MAP4K3: variants seen among roughly 807,000 people sequenced by gnomAD.
The protein encoded by MAP4K3 is MAPK/ERK kinase kinase kinase 3.
In MAP4K3, 94 loss-of-function variants were observed where a neutral mutation model predicts 143.5. The observed-to-expected ratio is 0.65, with a 90% CI of 0.55 to 0.78. The LOEUF (loss-of-function observed/expected upper bound fraction) is 0.78. Among genes scored for constraint, MAP4K3 ranks in the 30% least tolerant of loss-of-function variants. The pLI is 0.00. For synonymous variants in MAP4K3, 416 were observed against 347.2 expected, an observed-to-expected ratio of 1.20 and a Z score of -2.20; for missense variants, 1,077 against 1,068.1, an observed-to-expected ratio of 1.01 and a Z score of -0.12.
chr2:39,260,986 T>A (rs1680546175), intron 28 of MAP4K3: 1 of 455,198 alleles, frequency 2.2e-6, no homozygotes, highest in Non-Finnish European at 3.9e-6. Flanking sequence ...TACATGATTT[T>A]AGGACATTAA....
intron 3 of MAP4K3, among the ~76,000 whole-genome samples, chr2:39,346,085 A>C (rs968615499): frequency 2.0e-5 from 3 of 152,214 alleles, no homozygotes; most frequent in African/African-American, 7.2e-5. Context: ...AATAGCTATA[A>C]ATTATATAAA....
At chr2:39,433,359 T>G (rs1665353388) in intron 1 of MAP4K3, among the ~76,000 whole-genome samples, 1 of 152,168 alleles carries the variant, frequency 6.6e-6, no homozygotes, top group African/African-American at 2.4e-5. Flanking sequence ...TTATCCCATC[T>G]CCAGCTTTAC....
At chr2:39,425,179 T>C (rs1665029306) in intron 1 of MAP4K3, among the ~76,000 whole-genome samples, 1 of 147,378 alleles carries the variant, frequency 6.8e-6, no homozygotes, top group African/African-American at 2.5e-5. Context: ...AAAAAGTAGA[T>C]GAATTCAAAA....
chr2:39,257,567 G>A (rs553096396), intron 31 of MAP4K3, among the ~76,000 whole-genome samples: 10 of 152,180 alleles, frequency 6.6e-5, no homozygotes, highest in East Asian at 1.9e-4. Context: ...TTGGGAGGCC[G>A]AGGCGGGTGG....
chr2:39,297,220 C>T (rs549582812), intron 16 of MAP4K3, among the ~76,000 whole-genome samples: 10 of 151,856 alleles, frequency 6.6e-5, no homozygotes, highest in African/African-American at 9.7e-5. Context: ...TGGGTTCAAG[C>T]GATTCCCCTG....
At chr2:39,368,720 T>C (rs1360332650) in intron 2 of MAP4K3, among the ~76,000 whole-genome samples, 1 of 151,786 alleles carries the variant, frequency 6.6e-6, no homozygotes, top group African/African-American at 2.4e-5. Context: ...TTAAATAAAA[T>C]AGTTCTAATT....
chr2:39,414,794 T>C (rs977573224), intron 1 of MAP4K3, among the ~76,000 whole-genome samples: 1 of 152,000 alleles, frequency 6.6e-6, no homozygotes. Flanking sequence ...GGAGAATCAC[T>C]TGAACCTGGG....
chr2:39,427,347 A>G (rs891739082), intron 1 of MAP4K3, among the ~76,000 whole-genome samples: 3 of 152,096 alleles, frequency 2.0e-5, no homozygotes, highest in African/African-American at 7.2e-5. Context: ...AAATCCTACC[A>G]AATACAGCTT....
chr2:39,343,361 C>T, intron 4 of MAP4K3, 27 bp downstream of exon 4: 1 of 1,522,050 alleles, frequency 6.6e-7, no homozygotes, highest in Non-Finnish European at 9.1e-7. Context: ...CAACCTAACC[C>T]CTATAAAAAT....
intron 13 of MAP4K3, among the ~76,000 whole-genome samples, chr2:39,310,379 T>A (rs189579014): frequency 1.3e-5 from 2 of 152,336 alleles, no homozygotes; most frequent in African/African-American, 4.8e-5. Flanking sequence ...TCACTTAACA[T>A]TAATGTCCTC....
chr2:39,380,066 T>G (rs917151398), intron 1 of MAP4K3, among the ~76,000 whole-genome samples: 4 of 152,144 alleles, frequency 2.6e-5, no homozygotes, highest in African/African-American at 7.2e-5. Flanking sequence ...GGTAAATCAG[T>G]CTAGAATTTC....
Position 39,327,397 on chromosome 2 carries a change from C to G in MAP4K3, c.531-1120G>C, listed in dbSNP as rs561075546. 7.9e-5 allele frequency among the ~76,000 whole-genome samples: 12 copies of G among 152,164 alleles called. 1 individual carries two copies. In the South Asian group the frequency reaches 2.5e-3, roughly 32 times the overall value. ...CAAATTCAGTAATTTTTTTGTTTCT[C>G]TTTACTTTGCTACAGTCTTATTCTA... On this transcript the variant is annotated intron_variant, in intron 8 of 33. Transcript: ENST00000263881.
Position 39,383,016 on chromosome 2 carries a change from C to T in MAP4K3, c.97-4893G>A, listed in dbSNP as rs193041293. ...GAAAACACAGACTATTTTGAGTGTACCAGGCCAGCCAAACCTCAGAGTACT... is the reference window on the plus strand; with the variant it reads ...GAAAACACAGACTATTTTGAGTGTATCAGGCCAGCCAAACCTCAGAGTACT... On this transcript the variant is annotated intron_variant, in intron 1 of 33. Transcript: ENST00000263881. Among the ~76,000 whole-genome samples, 4 of 152,246 alleles carry T rather than the reference C, an allele frequency of 2.6e-5. No homozygotes were observed. In the South Asian group the frequency reaches 6.2e-4, roughly 24 times the overall value.
At chr2:39,302,509 A>C (rs1682550848) in intron 15 of MAP4K3, among the ~76,000 whole-genome samples, 1 of 152,254 alleles carries the variant, frequency 6.6e-6, no homozygotes, top group Non-Finnish European at 1.5e-5. Context: ...CAAAGTTAGT[A>C]GTTCATTATA....
chr2:39,353,230 C>A (rs776124562), intron 3 of MAP4K3, among the ~76,000 whole-genome samples: 7 of 152,190 alleles, frequency 4.6e-5, no homozygotes, highest in Admixed American at 3.3e-4. Flanking sequence ...CTCTTAGCCC[C>A]TTACAGCTCT....
chr2:39,384,702 A>T (rs981581147), intron 1 of MAP4K3, among the ~76,000 whole-genome samples: 4 of 152,324 alleles, frequency 2.6e-5, no homozygotes, highest in Admixed American at 1.3e-4. Flanking sequence ...CAAGTGAAAA[A>T]CTGAATTTTG....
intron 26 of MAP4K3, among the ~76,000 whole-genome samples, chr2:39,270,607 G>T (rs1680975475): frequency 6.6e-6 from 1 of 152,198 alleles, no homozygotes; most frequent in South Asian, 2.1e-4. Flanking sequence ...TGGAGAGGCT[G>T]TATAATTTAC....
chr2:39,267,292 T>G, intron 26 of MAP4K3, 45 bp from the exon 27 acceptor site: 1 of 1,451,042 alleles, frequency 6.9e-7, no homozygotes, highest in Non-Finnish European at 9.7e-7. Flanking sequence ...TAGGCAAACT[T>G]AGTATATGAA....
intron 1 of MAP4K3, among the ~76,000 whole-genome samples, chr2:39,410,204 T>C (rs1195535125): frequency 1.3e-5 from 2 of 152,188 alleles, no homozygotes; most frequent in Admixed American, 6.5e-5. Context: ...CAACAGCTGA[T>C]TTCTAGTTCA....
Sources: allele counts gnomAD v4.1 joint callset (sites outside exome capture counted in the v4.1 genomes callset), GRCh38; gene constraint gnomAD v4.1.1; transcripts MANE v1.5; gene names NCBI Gene and HGNC (gene_info 2026-07-23, HGNC 2026-07-21).